CADM2: variants seen among roughly 807,000 people sequenced by gnomAD.
CADM2 encodes the protein cell adhesion molecule 2, also known as immunoglobulin superfamily member 4D.
In CADM2, 12 loss-of-function variants were observed where a neutral mutation model predicts 49.8. That is an observed-to-expected ratio of 0.24 (90% confidence interval 0.15 to 0.39). The LOEUF (loss-of-function observed/expected upper bound fraction) is 0.39, where lower values mean the gene tolerates loss of function less well. CADM2 is among the 10% of genes least tolerant of loss of function. The pLI is 1.00. For synonymous variants in CADM2, 214 were observed against 175.4 expected (o/e 1.22, Z -1.74); for missense variants, 378 against 492.3 (o/e 0.77, Z 2.20).
intron 1 of CADM2, among the ~76,000 whole-genome samples, chr3:85,525,741 G>A (rs73130304): frequency 0.017 from 2,605 of 151,654 alleles, 54 homozygotes; most frequent in South Asian, 0.056. Flanking sequence ...TCTTTTTTGC[G>A]TTCTTTTGGA....
At position 86,065,711 on chromosome 3, in the gene CADM2, A is replaced by G. The variant is rs750081750; in HGVS notation, c.1077A>G (p.Arg359=). 2 of 1,613,964 alleles carry G rather than the reference A, an allele frequency of 1.2e-6. No homozygotes were observed. The highest frequency in any genetic ancestry group is 1.1e-5 in the South Asian group (1 of 91,064). ...TGTGTTCTATCTTTCTGCTTGGTCGATATCTGGCAAGGCATAAAGGTACGT... is the reference window on the plus strand; with the variant it reads ...TGTGTTCTATCTTTCTGCTTGGTCGGTATCTGGCAAGGCATAAAGGTACGT... ...VTLCSIFLLG[R]YLARHKGTYL... is the part of the protein sequence containing the mutation. The change falls in exon 9 of 10, where the codon CGA becomes CGG. Residue 359 remains arginine, a synonymous_variant. Coordinates refer to ENST00000383699, the MANE Select transcript of CADM2 (RefSeq NM_001167675.2).
intron 1 of CADM2, among the ~76,000 whole-genome samples, chr3:85,124,059 C>T (rs940577000): frequency 2.0e-5 from 3 of 152,102 alleles, no homozygotes; most frequent in African/African-American, 7.2e-5. Context: ...TTTGCAAATG[C>T]TTTTCTCTGT....
intron 7 of CADM2, among the ~76,000 whole-genome samples, chr3:85,949,803 T>C: frequency 6.6e-6 from 1 of 150,964 alleles, no homozygotes; most frequent in East Asian, 1.9e-4. Flanking sequence ...CAATACTAGA[T>C]CTTATAAGGT....
intron 1 of CADM2, among the ~76,000 whole-genome samples, chr3:85,224,177 A>G (rs2042101072): frequency 6.6e-6 from 1 of 152,174 alleles, no homozygotes; most frequent in African/African-American, 2.4e-5. Flanking sequence ...AGGAATCGCC[A>G]TGCTGTCTTC....
At chr3:85,808,666 T>C (rs1453132656) in intron 3 of CADM2, among the ~76,000 whole-genome samples, 2 of 152,214 alleles carry the variant, frequency 1.3e-5, no homozygotes, top group Non-Finnish European at 2.9e-5. Context: ...TATATAAAAA[T>C]GTAAAATACA....
chr3:85,798,491 A>C (rs2071766750), intron 2 of CADM2, among the ~76,000 whole-genome samples: 1 of 152,218 alleles, frequency 6.6e-6, no homozygotes, highest in Non-Finnish European at 1.5e-5. Context: ...GCATATGGCT[A>C]GCCAATTTTC....
chr3:85,773,612 T>G (rs1391459130), intron 2 of CADM2, among the ~76,000 whole-genome samples: 1 of 152,070 alleles, frequency 6.6e-6, no homozygotes, highest in Non-Finnish European at 1.5e-5. Context: ...ATTATCACTT[T>G]TCCATACAAT....
intron 1 of CADM2, among the ~76,000 whole-genome samples, chr3:85,421,302 C>A (rs886840619): frequency 6.6e-6 from 1 of 152,082 alleles, no homozygotes; most frequent in Non-Finnish European, 1.5e-5. Flanking sequence ...TAAAAATGAT[C>A]ATCATTTATT....
At chr3:85,872,265 T>G (rs1256243683) in intron 3 of CADM2, among the ~76,000 whole-genome samples, 1 of 152,228 alleles carries the variant, frequency 6.6e-6, no homozygotes, top group Non-Finnish European at 1.5e-5. Flanking sequence ...AAGAGCAGTG[T>G]GTGTTCAGAG....
chr3:85,301,797 A>ATG (rs1439357498), intron 1 of CADM2, among the ~76,000 whole-genome samples: 21 of 152,082 alleles, frequency 1.4e-4, no homozygotes, highest in African/African-American at 5.1e-4. Context: ...TTATCTCATC[A>ATG]TGTGAGTGAT....
intron 1 of CADM2, among the ~76,000 whole-genome samples, chr3:85,388,969 G>T (rs987900298): frequency 6.6e-6 from 1 of 152,098 alleles, no homozygotes; most frequent in Non-Finnish European, 1.5e-5. Flanking sequence ...GGGGGTATTG[G>T]ATAAATGGAA....
At chr3:85,508,432 C>G (rs2040454826) in intron 1 of CADM2, among the ~76,000 whole-genome samples, 1 of 152,058 alleles carries the variant, frequency 6.6e-6, no homozygotes, top group South Asian at 2.1e-4. Context: ...GTTGCTAACC[C>G]TTGTGCAGAA....
intron 1 of CADM2, among the ~76,000 whole-genome samples, chr3:85,202,206 C>T (rs1397348167): frequency 2.0e-5 from 3 of 151,920 alleles, no homozygotes; most frequent in African/African-American, 4.8e-5. Context: ...TTTCCAAATT[C>T]CTGTTGATCT....
At chr3:85,197,412 T>C (rs1433621111) in intron 1 of CADM2, among the ~76,000 whole-genome samples, 1 of 151,978 alleles carries the variant, frequency 6.6e-6, no homozygotes, top group Non-Finnish European at 1.5e-5. Flanking sequence ...TTGTGCATAC[T>C]TTGTGCCACT....
chr3:85,554,056 A>C (rs1183327314), intron 1 of CADM2, among the ~76,000 whole-genome samples: 1 of 151,904 alleles, frequency 6.6e-6, no homozygotes, highest in Non-Finnish European at 1.5e-5. Context: ...AGCGGTCCCC[A>C]ACGTTTTTGG....
intron 1 of CADM2, among the ~76,000 whole-genome samples, chr3:85,429,391 C>T (rs2036565280): frequency 1.3e-5 from 2 of 152,110 alleles, no homozygotes; most frequent in African/African-American, 4.8e-5. Context: ...TATAAAGGCA[C>T]AGTCTCTGCC....
At chr3:85,376,026 T>C (rs887561093) in intron 1 of CADM2, among the ~76,000 whole-genome samples, 1 of 152,272 alleles carries the variant, frequency 6.6e-6, no homozygotes, top group Admixed American at 6.5e-5. Context: ...TTATGTAATT[T>C]AATCTTTACA....
chr3:85,877,590 A>G (rs1712076925), intron 3 of CADM2, among the ~76,000 whole-genome samples: 1 of 151,790 alleles, frequency 6.6e-6, no homozygotes, highest in Admixed American at 6.6e-5. Flanking sequence ...ATCATTTTCC[A>G]GTGAACTGTC....
At chr3:85,679,042 A>G (rs1490990731) in intron 1 of CADM2, among the ~76,000 whole-genome samples, 1 of 152,180 alleles carries the variant, frequency 6.6e-6, no homozygotes, top group Admixed American at 6.5e-5. Context: ...AGCGAATCAG[A>G]CACTCTGCCC....
Sources: allele counts gnomAD v4.1 joint callset (sites outside exome capture counted in the v4.1 genomes callset), GRCh38; gene constraint gnomAD v4.1.1; transcripts MANE v1.5; gene names NCBI Gene and HGNC (gene_info 2026-07-23, HGNC 2026-07-21).